NFATC3: variants seen among roughly 807,000 people sequenced by gnomAD.
NFATC3 encodes the protein nuclear factor of activated T-cells, cytoplasmic 3.
Under a neutral mutation model 98.6 loss-of-function variants are expected in NFATC3, and 46 were observed. The observed-to-expected ratio is 0.47, with a 90% CI of 0.37 to 0.60. The LOEUF is 0.60. NFATC3 is among the 20% of genes least tolerant of loss of function. The probability of loss-of-function intolerance (pLI) is 0.00; values close to 1 mark genes in which losing one functional copy is unlikely to be tolerated. For missense variants in NFATC3, 1,256 were observed against 1,295.5 expected (o/e 0.97, Z 0.47); for synonymous variants, 512 against 472.2 (o/e 1.08, Z -1.09).
chr16:68,179,280 A>C (rs954405163), intron 6 of NFATC3, among the ~76,000 whole-genome samples: 4 of 152,190 alleles, frequency 2.6e-5, no homozygotes, highest in African/African-American at 9.7e-5. Flanking sequence ...ATTGTACCCA[A>C]CACATTTTAT....
chr16:68,138,763 A>C, intron 3 of NFATC3: 1 of 1,283,718 alleles, frequency 7.8e-7, no homozygotes, highest in Non-Finnish European at 1.0e-6. Context: ...TCTGTAGTAT[A>C]ATATAGAACT....
intron 9 of NFATC3, among the ~76,000 whole-genome samples, chr16:68,215,798 G>A (rs2041613597): frequency 7.2e-6 from 1 of 138,740 alleles, no homozygotes; most frequent in African/African-American, 2.8e-5. Flanking sequence ...TGCGATCTCC[G>A]CTCACTGCAC....
chr16:68,216,091 A>G (rs1156530013), intron 9 of NFATC3, among the ~76,000 whole-genome samples: 1 of 152,124 alleles, frequency 6.6e-6, no homozygotes, highest in Non-Finnish European at 1.5e-5. Context: ...GAGACAAAGA[A>G]GTGAAGAAAA....
At chr16:68,120,037 G>A (rs546474835) in intron 1 of NFATC3, among the ~76,000 whole-genome samples, 2 of 151,774 alleles carry the variant, frequency 1.3e-5, no homozygotes, top group African/African-American at 4.8e-5. Context: ...CAGCACTTTG[G>A]GAGGCTGGGG....
intron 2 of NFATC3, 130 bp downstream of exon 2, chr16:68,123,251 A>G (rs2036642096): frequency 1.1e-6 from 1 of 870,044 alleles, no homozygotes; most frequent in Non-Finnish European, 1.6e-6. Context: ...TTTTAAAAAA[A>G]ATTTTACCAA....
At chr16:68,220,594 CTTT>C (rs575448565) in intron 9 of NFATC3, among the ~76,000 whole-genome samples, 2 of 139,596 alleles carry the variant, frequency 1.4e-5, no homozygotes, top group Admixed American at 7.2e-5. Flanking sequence ...TTTATTTTTC[CTTT>C]TTTTTTTTTT....
At chr16:68,219,535 C>T (rs1053746173) in intron 9 of NFATC3, among the ~76,000 whole-genome samples, 6 of 152,052 alleles carry the variant, frequency 3.9e-5, no homozygotes, top group African/African-American at 1.2e-4. Flanking sequence ...CCACTTCACT[C>T]CAGCCTGGGT....
At chr16:68,205,705 A>AT (rs953559247) in intron 9 of NFATC3, among the ~76,000 whole-genome samples, 2 of 151,804 alleles carry the variant, frequency 1.3e-5, no homozygotes, top group African/African-American at 4.8e-5. Context: ...AAACAGTTGC[A>AT]TTTTTTTCCC....
intron 4 of NFATC3, among the ~76,000 whole-genome samples, chr16:68,164,907 A>T (rs73610299): frequency 0.013 from 2,001 of 152,344 alleles, 43 homozygotes; most frequent in African/African-American, 0.045. Context: ...ATTTAAAAAA[A>T]TAAATAAATG....
At chr16:68,120,394 A>C (rs1229099549) in intron 1 of NFATC3, among the ~76,000 whole-genome samples, 2 of 151,752 alleles carry the variant, frequency 1.3e-5, no homozygotes, top group Non-Finnish European at 2.9e-5. Flanking sequence ...CCTGGACAAC[A>C]TGGCAAAACC....
chr16:68,114,324 C>T (rs1320920142), intron 1 of NFATC3, among the ~76,000 whole-genome samples: 2 of 152,074 alleles, frequency 1.3e-5, no homozygotes, highest in African/African-American at 2.4e-5. Flanking sequence ...GCAGGATTCA[C>T]TGGCCGTTTT....
chr16:68,163,928 A>G (rs2039048247), intron 4 of NFATC3, among the ~76,000 whole-genome samples: 1 of 147,320 alleles, frequency 6.8e-6, no homozygotes, highest in South Asian at 2.2e-4. Context: ...CTGGGCAGCC[A>G]GGCAGAGGGG....
At chr16:68,112,076 TCTG>T (rs2035973914) in intron 1 of NFATC3, among the ~76,000 whole-genome samples, 1 of 152,032 alleles carries the variant, frequency 6.6e-6, no homozygotes, top group South Asian at 2.1e-4. Flanking sequence ...CCTTGGAGAA[TCTG>T]ATGATAATGT....
chr16:68,093,657 A>G (rs1052007948), intron 1 of NFATC3, among the ~76,000 whole-genome samples: 2 of 152,208 alleles, frequency 1.3e-5, no homozygotes, highest in Non-Finnish European at 2.9e-5. Flanking sequence ...AGGTATTTTT[A>G]TGTGCATTAT....
intron 8 of NFATC3, chr16:68,189,454 T>C (rs937303044): frequency 4.9e-6 from 1 of 205,268 alleles, no homozygotes; most frequent in African/African-American, 2.3e-5. Context: ...TTGAGATCTC[T>C]TGAGATTCCA....
At chr16:68,100,895 G>A (rs2035307929) in intron 1 of NFATC3, among the ~76,000 whole-genome samples, 1 of 144,856 alleles carries the variant, frequency 6.9e-6, no homozygotes, top group South Asian at 2.1e-4. Context: ...TTCTGTGTGT[G>A]TGTGTGTGTG....
chr16:68,153,559 C>T (rs887073918), intron 3 of NFATC3, among the ~76,000 whole-genome samples: 4 of 152,162 alleles, frequency 2.6e-5, no homozygotes, highest in African/African-American at 9.7e-5. Flanking sequence ...TACAGTGTGA[C>T]CAGCATTGAC....
chr16:68,224,148 C>T (rs1478491284), intron 9 of NFATC3, among the ~76,000 whole-genome samples: 2 of 147,608 alleles, frequency 1.4e-5, no homozygotes, highest in African/African-American at 5.0e-5. Flanking sequence ...AAAAAAAAAG[C>T]TTATCACTTA....
intron 3 of NFATC3, among the ~76,000 whole-genome samples, chr16:68,150,199 C>T (rs891590708): frequency 6.6e-6 from 1 of 152,080 alleles, no homozygotes; most frequent in Non-Finnish European, 1.5e-5. Flanking sequence ...TCTCTCAGCT[C>T]TATCAGACCC....
Sources: gnomAD v4.1 joint callset for allele counts (sites outside exome capture counted in the v4.1 genomes callset) on GRCh38, gnomAD v4.1.1 for gene constraint, MANE v1.5 for transcripts, NCBI Gene and HGNC (gene_info 2026-07-23, HGNC 2026-07-21) for gene names.